The following PPOX variants were observed in gnomAD, a reference collection of about 807,000 sequenced individuals.
PPOX encodes variegate porphyria.
A neutral mutation model predicts 54.1 loss-of-function variants in PPOX; 23 were observed. The observed-to-expected ratio is 0.43, with a 90% CI of 0.31 to 0.60. The LOEUF is 0.60. Among genes scored for constraint, PPOX ranks in the 20% least tolerant of loss-of-function variants. PPOX has a pLI of 0.13. For missense variants in PPOX, 512 were observed against 601.1 expected, an observed-to-expected ratio of 0.85 and a Z score of 1.55; for synonymous variants, 224 against 236.1, an observed-to-expected ratio of 0.95 and a Z score of 0.47.
At position 161,167,187 on chromosome 1, in the gene PPOX, C is replaced by T. The variant is rs121918324; in HGVS notation, c.175C>T (p.Arg59Trp). 7 of 1,614,124 alleles carry T rather than the reference C, an allele frequency of 4.3e-6. No homozygotes were observed. The highest frequency in any genetic ancestry group is 3.4e-6 in the Non-Finnish European group (4 of 1,180,030). Residue 59 changes from arginine (R) to tryptophan (W), a missense_variant, in exon 3 of 13, where the codon CGG (arginine) becomes TGG (tryptophan). Arg to Trp is a moderately radical substitution (Grantham distance 101, BLOSUM62 -3). Transcript: ENST00000367999. ...TGGTGCTATCTTTGAGCTTGGACCT[C>T]GGGGAATTAGGCCAGCGGGAGCCCT... The part of the protein sequence containing the change: ...PNGAIFELGP[R>W]GIRPAGALGA...
At chr1:161,168,389 G>A (rs746079296) in intron 5 of PPOX, 43 bp from the exon 6 acceptor site, 2 of 1,613,858 alleles carry the variant, frequency 1.2e-6, no homozygotes, top group South Asian at 1.1e-5. Flanking sequence ...ATCAGTCAGT[G>A]TAGATTATTT....
At position 161,168,878 on chromosome 1, in the gene PPOX, G is replaced by A; in HGVS notation, c.617-115G>A. On this transcript the variant is annotated intron_variant, in intron 6 of 12. Coordinates refer to ENST00000367999, the MANE Select transcript of PPOX (RefSeq NM_001122764.3). The stretch of plus-strand genomic sequence containing the variant: ...GCAGTTTCACTATGTTGGCCAGGCT[G>A]GTCTCAAACTCCTGACCTCAAGTGA... The A allele has an allele frequency of 6.7e-6, 8 of 1,197,970 alleles. No homozygotes were observed. The Admixed American group carries it at 1.2e-4, about 17-fold the overall frequency. 74.2% of individuals were successfully genotyped at this position (1,197,970 alleles called of 1,614,324 possible). A position where few individuals can be genotyped will look rare whatever the true frequency, so the allele number is the denominator to read the frequency against.
chr1:161,167,318 G>T, intron 3 of PPOX, 53 bp from the exon 4 acceptor site: 1 of 1,614,076 alleles, frequency 6.2e-7, no homozygotes, highest in Non-Finnish European at 8.5e-7. Flanking sequence ...AGTATGTTTG[G>T]TGGGTCAGAT....
rs771307571 is a variant in PPOX, at chr1:161,168,050, A to G, written c.394A>G (p.Arg132Gly). 3 of 1,613,926 alleles carry G rather than the reference A, an allele frequency of 1.9e-6. No homozygotes were observed. Among genetic ancestry groups the G allele is most frequent in the African/African-American group, 2.7e-5 (2 of 74,874 alleles). ...FSKPLFWAGL[R>G]ELTKPRGKEP... ...CAAACCTCTGTTTTGGGCTGGGCTG[A>G]GGGAGCTGACCAAGCCCCGGGGCAA... Residue 132 changes from arginine to glycine, a missense_variant, in exon 5 of 13, where the codon AGG becomes GGG. Coordinates refer to ENST00000367999, the MANE Select transcript of PPOX (RefSeq NM_001122764.3).
At chr1:161,176,641 G>A in intron 4 of PPOX, 1 of 586,522 alleles carries the variant, frequency 1.7e-6, no homozygotes. Context: ...GGATCAGGGT[G>A]AAGCTGGTTT....
chr1:161,169,291 C>T, intron 7 of PPOX, 108 bp downstream of exon 7: 1 of 1,341,556 alleles, frequency 7.5e-7, no homozygotes, highest in South Asian at 1.2e-5. Context: ...TGTTTTTGTG[C>T]CTTAGAAGCT....
downstream of PPOX, chr1:161,171,339 T>C (rs937431945): frequency 8.2e-7 from 1 of 1,222,688 alleles, no homozygotes; most frequent in East Asian, 2.5e-5. Flanking sequence ...TTAGAAAATA[T>C]ATCAAAATCC....
rs200838630 is a variant in PPOX, at chr1:161,168,758, A to G, written c.616+182A>G. 2.0e-5 allele frequency among the ~76,000 whole-genome samples: 3 copies of G among 152,098 alleles called. No homozygotes were observed. In the South Asian group the frequency reaches 6.2e-4, roughly 32 times the overall value. ...GCTCGCTGCAACCTCCGCCTCCCAG[A>G]TTCAAGCAATTCTCCTGCCTCAGCC... On this transcript the variant is annotated intron_variant, in intron 6 of 12. Transcript: ENST00000367999.
At chr1:161,175,369 T>C, downstream of PPOX, 1 of 748,260 alleles carries the variant, frequency 1.3e-6, no homozygotes, top group Non-Finnish European at 2.2e-6. Context: ...TCGCATGCCT[T>C]GGATTACCTA....
At chr1:161,173,661 A>G (rs376713180), downstream of PPOX, 8 of 1,614,056 alleles carry the variant, frequency 5.0e-6, no homozygotes, top group Admixed American at 1.7e-5. Context: ...TGGGGAAGCC[A>G]TTCATCTTCA....
chr1:161,175,930 G>A (rs367870203), downstream of PPOX: 18 of 1,613,994 alleles, frequency 1.1e-5, no homozygotes, highest in African/African-American at 1.3e-5. Flanking sequence ...GTCAAATGTC[G>A]GTCCCTGATC....
chr1:161,166,900 G>T lies in PPOX; in HGVS notation c.53G>T (p.Ser18Ile). ...LGGGISGLAASYHLSRAPCPP... is the reference protein window; with the variant it reads ...LGGGISGLAAIYHLSRAPCPP... ...GGAGGCATCAGCGGCTTGGCCGCCA[G>T]TTACCACCTGAGCCGGGCCCCCTGC... The change falls in exon 2 of 13, where the codon AGT (serine) becomes ATT (isoleucine). Residue 18 changes from serine (S) to isoleucine (I), a missense_variant. Coordinates refer to ENST00000367999, the MANE Select transcript of PPOX (RefSeq NM_001122764.3). 6.2e-7 allele frequency: 1 copy of T among 1,613,794 alleles called. No homozygotes were observed. The highest frequency in any genetic ancestry group is 8.5e-7 in the Non-Finnish European group (1 of 1,180,022).
downstream of PPOX, chr1:161,175,089 A>G: frequency 6.2e-7 from 1 of 1,614,074 alleles, no homozygotes; most frequent in Non-Finnish European, 8.5e-7. Flanking sequence ...CCCGGGCACG[A>G]TGAGGCACAA....
intron 7 of PPOX, 194 bp downstream of exon 7, chr1:161,169,377 A>G (rs1164073415): frequency 2.7e-6 from 2 of 733,138 alleles, no homozygotes; most frequent in Non-Finnish European, 4.5e-6. Flanking sequence ...AAGTCTGTGG[A>G]TAGAAGTAGT....
At chr1:161,177,315 C>T, downstream of PPOX, 1 of 540,408 alleles carries the variant, frequency 1.9e-6, no homozygotes, top group Admixed American at 3.1e-5. Context: ...CCTAGGACCC[C>T]GTCCCTGCTC....
rs755273578 is a variant in PPOX at position 161,170,517 on chromosome 1, A to T, written c.1096A>T (p.Thr366Ser). 2 of 1,614,162 alleles carry T rather than the reference A, an allele frequency of 1.2e-6. No individual in the cohort carries two copies. The highest frequency in any genetic ancestry group is 1.7e-6 in the Non-Finnish European group (2 of 1,179,990). ...CGGGAGCCCCCCTGGCCTCAGAGTG[A>T]CTGTGAGGAGGAGGAAACTTTGCCT... ...QDGSPPGLRVTVMLGGSWLQT... is the reference protein window; with the variant it reads ...QDGSPPGLRVSVMLGGSWLQT... Residue 366 changes from threonine (T) to serine (S), a missense_variant and splice_region_variant, in exon 10 of 13, where the codon ACT (threonine) becomes TCT (serine). Thr to Ser is a moderately conservative substitution (Grantham distance 58). Coordinates refer to ENST00000367999, the MANE Select transcript of PPOX (RefSeq NM_001122764.3).
chr1:161,176,871 G>A, exon 5 of PPOX: 1 of 1,536,002 alleles, frequency 6.5e-7, no homozygotes, highest in Non-Finnish European at 8.7e-7. Context: ...TTGAAGTGGC[G>A]ACAGAGTCAT....
intron 3 of PPOX, 57 bp downstream of exon 3, chr1:161,167,291 T>C: frequency 9.3e-6 from 15 of 1,614,040 alleles, no homozygotes; most frequent in Non-Finnish European, 1.2e-5. Flanking sequence ...CATTGGGGAA[T>C]AGAGTTTAGG....
At chr1:161,173,880 G>C (rs1558050505), downstream of PPOX, 1 of 1,614,010 alleles carries the variant, frequency 6.2e-7, no homozygotes, top group Non-Finnish European at 8.5e-7. Flanking sequence ...CTTGTTCATA[G>C]CAACGGCAAC....
Sources: allele counts gnomAD v4.1 joint callset (sites outside exome capture counted in the v4.1 genomes callset), GRCh38; gene constraint gnomAD v4.1.1; transcripts MANE v1.5; gene names NCBI Gene and HGNC (gene_info 2026-07-23, HGNC 2026-07-21).